TPM3: variants seen among roughly 807,000 people sequenced by gnomAD.
The protein encoded by TPM3 is tropomyosin 3, also known as tropomyosin alpha-3 chain.
In TPM3, 16 loss-of-function variants were observed where a neutral mutation model predicts 43.1. That is an observed-to-expected ratio of 0.37 (90% CI 0.25 to 0.56). The LOEUF (loss-of-function observed/expected upper bound fraction) is 0.56. TPM3 is among the 20% of genes least tolerant of loss of function. The probability of loss-of-function intolerance (pLI) is 0.77; values close to 1 mark genes in which losing one functional copy is unlikely to be tolerated. For missense variants in TPM3, 176 were observed against 337.2 expected, an observed-to-expected ratio of 0.52 and a Z score of 3.74; for synonymous variants, 101 against 116.9, an observed-to-expected ratio of 0.86 and a Z score of 0.88.
rs528674578 is a variant in TPM3, at chr1:154,174,737, G to A, written c.377+1378C>T. Among the ~76,000 whole-genome samples the A allele has an allele frequency of 2.0e-5, 3 of 151,000 alleles. No homozygotes were observed. The South Asian group carries it at 6.3e-4, about 32-fold the overall frequency. On this transcript the variant is annotated intron_variant, in intron 3 of 9. Coordinates refer to ENST00000651641, the MANE Select transcript of TPM3 (RefSeq NM_152263.4). ...CTTGAACTCCTGGCCTCAAGTGATCGTCCACCTCAGGCTCCCAAAGTGCTG... is the reference window on the plus strand; with the variant it reads ...CTTGAACTCCTGGCCTCAAGTGATCATCCACCTCAGGCTCCCAAAGTGCTG...
intron 2 of TPM3, chr1:154,183,497 T>C (rs1663215086): frequency 4.8e-6 from 2 of 420,312 alleles, no homozygotes; most frequent in Admixed American, 3.6e-5. Context: ...GGTAGTCGGC[T>C]GACCTTACAC....
chr1:154,161,120 A>G (rs1660309049), downstream of TPM3, among the ~76,000 whole-genome samples: 3 of 148,300 alleles, frequency 2.0e-5, no homozygotes, highest in Non-Finnish European at 4.4e-5. Context: ...TGGAAAGTAT[A>G]ATGCAAATAT....
intron 2 of TPM3, among the ~76,000 whole-genome samples, chr1:154,188,856 C>G (rs549391513): frequency 8.0e-5 from 12 of 150,440 alleles, no homozygotes; most frequent in African/African-American, 3.0e-4. Flanking sequence ...AGAGGCCAGG[C>G]ATGGTGGCTC....
intron 2 of TPM3, among the ~76,000 whole-genome samples, chr1:154,182,577 G>C (rs919579721): frequency 9.2e-5 from 14 of 151,598 alleles, no homozygotes; most frequent in African/African-American, 3.2e-4. Context: ...GAACAGAGAA[G>C]CACCCACCCA....
rs572467862 is a variant in TPM3 at position 154,188,674 on chromosome 1, C to CAA, written c.243+2510_243+2511dup. ...TGGGTGACACAGCAAGACTCCGTCT[C>CAA]AAAAAAAAAAAAAAAAAAAAGCCTG... On this transcript the variant is annotated intron_variant, in intron 2 of 9. Coordinates refer to ENST00000651641, the MANE Select transcript of TPM3 (RefSeq NM_152263.4). Among the ~76,000 whole-genome samples, 72 of 59,352 alleles carry CAA rather than the reference C, an allele frequency of 1.2e-3. 1 individual carries two copies. The highest frequency in any genetic ancestry group is 3.0e-3 in the African/African-American group (48 of 16,000). 38.9% of individuals were successfully genotyped at this position (59,352 alleles called of 152,430 possible).
chr1:154,187,252 C>T (rs1382591136), intron 2 of TPM3: 52 of 916,534 alleles, frequency 5.7e-5, no homozygotes, highest in Non-Finnish European at 6.8e-5. Flanking sequence ...CAAGAATGAG[C>T]ATGACTGTGT....
At chr1:154,175,074 G>A (rs1028404243) in intron 3 of TPM3, among the ~76,000 whole-genome samples, 1 of 151,588 alleles carries the variant, frequency 6.6e-6, no homozygotes, top group Admixed American at 6.6e-5. Context: ...GCTCACGCCT[G>A]TAATCCCAGC....
intron 2 of TPM3, among the ~76,000 whole-genome samples, chr1:154,186,049 C>T (rs1194479318): frequency 1.3e-5 from 2 of 151,502 alleles, no homozygotes; most frequent in Middle Eastern, 3.2e-3. Context: ...AAATACCGAG[C>T]AATGAGACTA....
In TPM3 at chr1:154,172,982, C is replaced by T; in HGVS notation, c.496-4G>A. 1.9e-6 allele frequency: 3 copies of T among 1,614,174 alleles called. No individual in the cohort carries two copies. Among genetic ancestry groups the T allele is most frequent in the South Asian group, 1.1e-5 (1 of 91,086 alleles). On this transcript the variant is annotated splice_polypyrimidine_tract_variant and splice_region_variant and intron_variant, in intron 4 of 9. Transcript: ENST00000651641. ...TGATCACCAACTTACGAGCCACCTA[C>T]AGGAAAAGATCCCAGTATAGCTTAG... is the stretch of plus-strand genomic sequence containing the variant.
Position 154,162,240 on chromosome 1 carries a change from C to G in TPM3, c.*5697G>C, listed in dbSNP as rs1257284192. On this transcript the variant is annotated 3_prime_UTR_variant, in exon 10 of 10. Coordinates refer to ENST00000651641, the MANE Select transcript of TPM3 (RefSeq NM_152263.4). ...ATTAGCCGGGCTTGGTTGCACGTGC[C>G]TGTAATCCCAGCTATTCAGGAGGCT... Among the ~76,000 whole-genome samples, 1 of 151,708 alleles carries G rather than the reference C, an allele frequency of 6.6e-6. No homozygotes were observed. The highest frequency in any genetic ancestry group is 1.5e-5 in the Non-Finnish European group (1 of 67,964).
chr1:154,176,652 G>GAAAAAAAAAAAAAAA lies in TPM3; in HGVS notation c.244-405_244-404insTTTTTTTTTTTTTTT, dbSNP rs376095488. On this transcript the variant is annotated intron_variant, in intron 2 of 9. Coordinates refer to ENST00000651641, the MANE Select transcript of TPM3 (RefSeq NM_152263.4). ...AACCTTTCAAGTGTCTCATAAAGCAGGAAAAAAAAAAAAAAAAAAGCAAGG... is the reference window on the plus strand; with the variant it reads ...AACCTTTCAAGTGTCTCATAAAGCAGAAAAAAAAAAAAAAAGAAAAAAAAAAAAAAAAAAGCAAGG... 1.7e-5 allele frequency among the ~76,000 whole-genome samples: 2 copies of GAAAAAAAAAAAAAAA among 119,432 alleles called. 1 individual carries two copies. Among genetic ancestry groups the GAAAAAAAAAAAAAAA allele is most frequent in the Non-Finnish European group, 3.5e-5 (2 of 57,920 alleles). The allele number at this position is 119,432 out of a possible 152,430, so 78.4% of individuals were successfully genotyped here. A position where few individuals can be genotyped will look rare whatever the true frequency, so the allele number is the denominator to read the frequency against.
At chr1:154,190,659 TG>T (rs1663640086) in intron 2 of TPM3, among the ~76,000 whole-genome samples, 1 of 152,224 alleles carries the variant, frequency 6.6e-6, no homozygotes, top group South Asian at 2.1e-4. Context: ...GGCATCTCCA[TG>T]GCATAAAGGC....
At chr1:154,155,391 CA>C, downstream of TPM3, 3 of 315,112 alleles carry the variant, frequency 9.5e-6, no homozygotes, top group South Asian at 5.1e-5. Context: ...CTCCGCCCGA[CA>C]AAAAAACTTT....
intron 2 of TPM3, chr1:154,183,486 A>G (rs1005108274): frequency 1.6e-5 from 7 of 445,128 alleles, no homozygotes; most frequent in African/African-American, 1.0e-4. Flanking sequence ...GCCCCTTTGC[A>G]GGTAGTCGGC....
At chr1:154,186,330 AC>A (rs1663409425) in intron 2 of TPM3, among the ~76,000 whole-genome samples, 1 of 151,486 alleles carries the variant, frequency 6.6e-6, no homozygotes, top group Non-Finnish European at 1.5e-5. Flanking sequence ...TCCTAGCCAA[AC>A]CAAGAGGGTA....
At chr1:154,169,703 A>G (rs552710927) in intron 8 of TPM3, 37 of 460,236 alleles carry the variant, frequency 8.0e-5, no homozygotes, top group Middle Eastern at 6.1e-4. Context: ...CCTAGCAGTG[A>G]TAACACTTAA....
At chr1:154,171,685 C>A (rs781212444) in intron 5 of TPM3, 197 bp from the exon 6 acceptor site, 2 of 663,224 alleles carry the variant, frequency 3.0e-6, no homozygotes, top group Admixed American at 2.6e-5. Flanking sequence ...GGAGCTAGAC[C>A]TTCCTGGGCT....
Position 154,162,833 on chromosome 1 carries a change from C to T in TPM3, c.*5104G>A, listed in dbSNP as rs953559502. Among the ~76,000 whole-genome samples the T allele has an allele frequency of 5.9e-5, 9 of 152,188 alleles. No individual in the cohort carries two copies. The highest frequency in any genetic ancestry group is 5.8e-4 in the East Asian group (3 of 5,198). ...TCCTTGGCTCACACTAGTCATACCG[C>T]AAGGAAAACAGGAGATACCACAGAT... On this transcript the variant is annotated 3_prime_UTR_variant, in exon 10 of 10. Transcript: ENST00000651641.
rs371504522 is a variant in TPM3 at position 154,171,416 on chromosome 1, C to T, written c.639G>A (p.Glu213=). ...NNLKSLEAQA[E]KYSQKEDKYE... ...ACTTTCACAAACCAGCCCCTACCTT[C>T]TCCGCCTGAGCCTCAAGAGACTTGA... The change falls in exon 6 of 10, where the codon GAG becomes GAA. Residue 213 remains glutamate, a synonymous_variant. Transcript: ENST00000651641. 3 of 1,614,080 alleles carry T rather than the reference C, an allele frequency of 1.9e-6. No individual in the cohort carries two copies. Among genetic ancestry groups the T allele is most frequent in the Non-Finnish European group, 2.5e-6 (3 of 1,179,996 alleles).
Sources: gnomAD v4.1 joint callset for allele counts (sites outside exome capture counted in the v4.1 genomes callset) on GRCh38, gnomAD v4.1.1 for gene constraint, MANE v1.5 for transcripts, NCBI Gene and HGNC (gene_info 2026-07-23, HGNC 2026-07-21) for gene names.